Variants in LRRTM4 observed in about 807,000 individuals in gnomAD.
LRRTM4 encodes the protein leucine-rich repeat transmembrane neuronal protein 4.
In LRRTM4, 25 loss-of-function variants were observed where a neutral mutation model predicts 47.6. The ratio of observed to expected loss-of-function variants is 0.53; its 90% CI spans 0.38 to 0.73. The LOEUF (loss-of-function observed/expected upper bound fraction) is 0.73, where lower values mean the gene tolerates loss of function less well. LRRTM4 is among the 30% of genes least tolerant of loss of function. LRRTM4 has a pLI of 0.00. For missense variants in LRRTM4, 638 were observed against 713.4 expected, an observed-to-expected ratio of 0.89 and a Z score of 1.20; for synonymous variants, 311 against 269.5, an observed-to-expected ratio of 1.15 and a Z score of -1.51.
At chr2:76,976,006 T>C (rs1250252211) in intron 3 of LRRTM4, among the ~76,000 whole-genome samples, 1 of 151,840 alleles carries the variant, frequency 6.6e-6, no homozygotes, top group Non-Finnish European at 1.5e-5. Flanking sequence ...TTCTAATTCT[T>C]TGGGGAAATG....
At chr2:77,368,404 T>C (rs1672536458) in intron 3 of LRRTM4, among the ~76,000 whole-genome samples, 1 of 151,730 alleles carries the variant, frequency 6.6e-6, no homozygotes, top group Non-Finnish European at 1.5e-5. Flanking sequence ...GTCTTTGAGG[T>C]ACCATGAGGT....
At chr2:77,366,944 T>C (rs1672482975) in intron 3 of LRRTM4, among the ~76,000 whole-genome samples, 1 of 151,862 alleles carries the variant, frequency 6.6e-6, no homozygotes, top group Admixed American at 6.6e-5. Flanking sequence ...CTTTCTACTC[T>C]CCTTCATTAA....
chr2:77,115,042 T>G (rs1248097291), intron 3 of LRRTM4, among the ~76,000 whole-genome samples: 1 of 151,974 alleles, frequency 6.6e-6, no homozygotes, highest in Admixed American at 6.6e-5. Context: ...CAGGGCGTAT[T>G]TCAGTACTTA....
intron 3 of LRRTM4, among the ~76,000 whole-genome samples, chr2:76,928,156 G>A (rs942115860): frequency 6.6e-6 from 1 of 152,052 alleles, no homozygotes; most frequent in Admixed American, 6.6e-5. Context: ...ATGTGGATGT[G>A]GAAATTTAGG....
At chr2:77,044,690 A>G (rs1295730341) in intron 3 of LRRTM4, among the ~76,000 whole-genome samples, 1 of 151,484 alleles carries the variant, frequency 6.6e-6, no homozygotes, top group Non-Finnish European at 1.5e-5. Context: ...CATATTACAA[A>G]ATATATATAT....
chr2:77,120,540 A>C (rs985911719), intron 3 of LRRTM4, among the ~76,000 whole-genome samples: 4 of 151,848 alleles, frequency 2.6e-5, no homozygotes, highest in African/African-American at 9.7e-5. Flanking sequence ...AGAATTCAGA[A>C]ATAAGCTACA....
intron 3 of LRRTM4, among the ~76,000 whole-genome samples, chr2:77,198,925 T>C (rs1321101574): frequency 6.6e-6 from 1 of 152,168 alleles, no homozygotes; most frequent in African/African-American, 2.4e-5. Flanking sequence ...TTCCGCAGAC[T>C]GTAAATGCTG....
intron 3 of LRRTM4, among the ~76,000 whole-genome samples, chr2:76,987,862 G>C (rs1347801480): frequency 6.6e-6 from 1 of 151,628 alleles, no homozygotes; most frequent in African/African-American, 2.4e-5. Context: ...AAAAGGGCCA[G>C]GAAATATAGT....
At chr2:77,321,744 T>G (rs1677799699) in intron 3 of LRRTM4, among the ~76,000 whole-genome samples, 1 of 152,192 alleles carries the variant, frequency 6.6e-6, no homozygotes, top group Non-Finnish European at 1.5e-5. Context: ...ATTTTTATTT[T>G]TAAGGAAAGA....
chr2:77,274,029 T>C (rs1049029796), intron 3 of LRRTM4, among the ~76,000 whole-genome samples: 2 of 152,106 alleles, frequency 1.3e-5, no homozygotes, highest in African/African-American at 4.8e-5. Flanking sequence ...TTCATTAGTT[T>C]GATTACCCTG....
intron 3 of LRRTM4, among the ~76,000 whole-genome samples, chr2:77,004,894 CG>C (rs1677577937): frequency 6.6e-6 from 1 of 152,116 alleles, no homozygotes; most frequent in Non-Finnish European, 1.5e-5. Context: ...TTGACTGCCC[CG>C]CTGGATTTCT....
At chr2:77,349,102 A>G (rs1671670067) in intron 3 of LRRTM4, among the ~76,000 whole-genome samples, 2 of 151,994 alleles carry the variant, frequency 1.3e-5, no homozygotes, top group Admixed American at 6.5e-5. Flanking sequence ...GGACATAGTG[A>G]ATGCAATAAG....
chr2:76,867,970 G>C (rs945103716), intron 3 of LRRTM4, among the ~76,000 whole-genome samples: 2 of 152,170 alleles, frequency 1.3e-5, no homozygotes, highest in African/African-American at 4.8e-5. Context: ...TCAATTCTAT[G>C]AGAACTTATT....
intron 3 of LRRTM4, among the ~76,000 whole-genome samples, chr2:77,257,782 G>C (rs946813880): frequency 6.6e-6 from 1 of 151,466 alleles, no homozygotes; most frequent in African/African-American, 2.4e-5. Flanking sequence ...AACATTAAGT[G>C]ACATTTTACT....
At chr2:77,049,089 TTG>T (rs1345670506) in intron 3 of LRRTM4, among the ~76,000 whole-genome samples, 4 of 141,800 alleles carry the variant, frequency 2.8e-5, no homozygotes, top group Non-Finnish European at 4.6e-5. Flanking sequence ...GAATGACAGT[TTG>T]TTTTTTTTTG....
At chr2:77,271,483 C>G (rs1305775703) in intron 3 of LRRTM4, among the ~76,000 whole-genome samples, 3 of 152,168 alleles carry the variant, frequency 2.0e-5, no homozygotes, top group South Asian at 4.1e-4. Flanking sequence ...ATCCTGCACT[C>G]GCTCACTCAC....
At chr2:77,226,705 A>T (rs1450813073) in intron 3 of LRRTM4, among the ~76,000 whole-genome samples, 1 of 151,986 alleles carries the variant, frequency 6.6e-6, no homozygotes, top group Non-Finnish European at 1.5e-5. Context: ...TCAGGTGTAG[A>T]TTTTTGTTCT....
At chr2:76,909,852 G>A (rs1673985980) in intron 3 of LRRTM4, among the ~76,000 whole-genome samples, 1 of 152,188 alleles carries the variant, frequency 6.6e-6, no homozygotes, top group Non-Finnish European at 1.5e-5. Flanking sequence ...AACAACAGGT[G>A]CTGGAGAGGA....
intron 3 of LRRTM4, among the ~76,000 whole-genome samples, chr2:77,079,599 T>C (rs1296680674): frequency 1.3e-5 from 2 of 152,178 alleles, no homozygotes; most frequent in African/African-American, 4.8e-5. Context: ...CTTCTTCCAT[T>C]TGGCCCAATG....
Sources: allele counts gnomAD v4.1 joint callset (sites outside exome capture counted in the v4.1 genomes callset), GRCh38; gene constraint gnomAD v4.1.1; transcripts MANE v1.5; gene names NCBI Gene and HGNC (gene_info 2026-07-23, HGNC 2026-07-21).